CEP112: variants seen among roughly 807,000 people sequenced by gnomAD.
CEP112 encodes the protein centrosomal protein of 112 kDa.
A neutral mutation model predicts 153.0 loss-of-function variants in CEP112; 127 were observed. The ratio of observed to expected loss-of-function variants is 0.83; its 90% CI spans 0.72 to 0.96. The LOEUF (loss-of-function observed/expected upper bound fraction) is 0.96. CEP112 is among the 40% of genes least tolerant of loss of function. CEP112 has a pLI of 0.00. For missense variants in CEP112, 1,089 were observed against 1,101.2 expected (o/e 0.99, Z 0.16); for synonymous variants, 358 against 374.4 (o/e 0.96, Z 0.51).
chr17:66,168,485 G>A (rs1383858779), intron 4 of CEP112, among the ~76,000 whole-genome samples: 3 of 140,944 alleles, frequency 2.1e-5, no homozygotes, highest in Non-Finnish European at 3.2e-5. Flanking sequence ...ATGTATATAT[G>A]TGTGTGTGTA....
At chr17:65,986,319 A>C (rs1293958862) in intron 17 of CEP112, among the ~76,000 whole-genome samples, 1 of 152,182 alleles carries the variant, frequency 6.6e-6, no homozygotes, top group Non-Finnish European at 1.5e-5. Context: ...ACCTGAAAGC[A>C]AATGTAAATT....
At chr17:65,851,437 G>A (rs1473858494) in intron 21 of CEP112, among the ~76,000 whole-genome samples, 1 of 152,126 alleles carries the variant, frequency 6.6e-6, no homozygotes, top group Non-Finnish European at 1.5e-5. Context: ...AGACAACTGA[G>A]GGAAGATCTG....
At position 65,949,776 on chromosome 17, in the gene CEP112, C is replaced by G. The variant is rs557881532; in HGVS notation, c.1872+11687G>C. Among the ~76,000 whole-genome samples the G allele has an allele frequency of 7.2e-5, 11 of 152,260 alleles. No homozygotes were observed. The East Asian group carries it at 1.9e-3, about 27-fold the overall frequency. ...CTGGAACCAATTCCACAAATAGGAT[C>G]TTTCATTCCTGGCTATCCTTATCTG... On this transcript the variant is annotated intron_variant, in intron 18 of 26. Transcript: ENST00000535342.
intron 21 of CEP112, among the ~76,000 whole-genome samples, chr17:65,837,538 T>C (rs1185028870): frequency 1.3e-5 from 2 of 152,080 alleles, no homozygotes; most frequent in African/African-American, 2.4e-5. Context: ...AGCCACCCTG[T>C]CCGAGAAGTG....
intron 9 of CEP112, among the ~76,000 whole-genome samples, chr17:66,069,611 G>A (rs1051949384): frequency 2.6e-5 from 4 of 151,980 alleles, no homozygotes; most frequent in African/African-American, 9.7e-5. Context: ...TTCATGAAAG[G>A]TAATGACAGA....
intron 19 of CEP112, among the ~76,000 whole-genome samples, chr17:65,920,439 T>TTA (rs1294913368): frequency 1.9e-4 from 25 of 132,914 alleles, no homozygotes; most frequent in African/African-American, 2.5e-4. Context: ...TACATATATT[T>TTA]TATATATATA....
chr17:65,946,049 T>C (rs2061639438), intron 18 of CEP112, among the ~76,000 whole-genome samples: 1 of 152,210 alleles, frequency 6.6e-6, no homozygotes, highest in Admixed American at 6.5e-5. Context: ...CAGCCCTTAT[T>C]GATTCACAGT....
intron 18 of CEP112, among the ~76,000 whole-genome samples, chr17:65,956,491 TGGATGTTAC>T (rs2062008889): frequency 6.6e-6 from 1 of 151,958 alleles, no homozygotes; most frequent in Non-Finnish European, 1.5e-5. Context: ...CACATCAACC[TGGATGTTAC>T]TGGAGACCAT....
At chr17:66,028,544 T>A (rs2065322582) in intron 14 of CEP112, 139 bp from the exon 15 acceptor site, 4 of 427,670 alleles carry the variant, frequency 9.4e-6, no homozygotes, top group Admixed American at 8.3e-5. Flanking sequence ...GAATGAAAAA[T>A]GTTTTTAAAA....
At chr17:66,066,682 C>T in intron 10 of CEP112, 96 bp downstream of exon 10, 2 of 802,320 alleles carry the variant, frequency 2.5e-6, no homozygotes, top group Non-Finnish European at 3.6e-6. Context: ...ATTCCTATCT[C>T]ATACTATAAA....
chr17:65,906,914 T>C (rs540222676), intron 19 of CEP112, among the ~76,000 whole-genome samples: 9 of 152,140 alleles, frequency 5.9e-5, no homozygotes, highest in African/African-American at 1.7e-4. Context: ...TATAATAAAA[T>C]TATAAACTTA....
intron 18 of CEP112, among the ~76,000 whole-genome samples, chr17:65,937,563 A>C (rs1481186405): frequency 1.3e-5 from 1 of 75,692 alleles, no homozygotes; most frequent in Non-Finnish European, 2.6e-5. Flanking sequence ...TCCGGGAGGG[A>C]GGTGGGGGGG....
In CEP112 at chr17:66,114,844, CAT is replaced by C. The variant is rs2069210361; in HGVS notation, c.642+14900_642+14901del. Among the ~76,000 whole-genome samples, 3 of 151,996 alleles carry C rather than the reference CAT, an allele frequency of 2.0e-5. No individual in the cohort carries two copies. The South Asian group carries it at 6.2e-4, about 32-fold the overall frequency. On this transcript the variant is annotated intron_variant, in intron 6 of 26. Coordinates refer to ENST00000535342, the MANE Select transcript of CEP112 (RefSeq NM_001199165.4). Reference sequence around the variant, plus strand: ...CTAACTGTATTAGTCATCAGGAAAACATATATTAAAACCACACAATACTATGT... The same window carrying C: ...CTAACTGTATTAGTCATCAGGAAAACATATTAAAACCACACAATACTATGT...
intron 17 of CEP112, among the ~76,000 whole-genome samples, chr17:65,996,839 A>G (rs1156437074): frequency 3.3e-5 from 5 of 152,248 alleles, no homozygotes; most frequent in Admixed American, 6.5e-5. Context: ...TAGAAGATGA[A>G]TCTATGTATT....
At chr17:65,710,583 C>T (rs2049129965) in intron 23 of CEP112, among the ~76,000 whole-genome samples, 1 of 152,178 alleles carries the variant, frequency 6.6e-6, no homozygotes, top group Admixed American at 6.5e-5. Flanking sequence ...GTGCTAACTT[C>T]TCCCAATCCA....
intron 4 of CEP112, among the ~76,000 whole-genome samples, chr17:66,146,874 C>A (rs148297885): frequency 4.6e-5 from 7 of 152,162 alleles, no homozygotes; most frequent in Middle Eastern, 6.8e-3. Context: ...ATTATTCATT[C>A]TAAATGTACC....
chr17:65,815,992 C>A (rs1001088253), intron 21 of CEP112, among the ~76,000 whole-genome samples: 2 of 151,934 alleles, frequency 1.3e-5, no homozygotes, highest in African/African-American at 2.4e-5. Flanking sequence ...TGCCTTGTTG[C>A]ACTTCCTACG....
At chr17:65,650,252 C>T (rs2045674117) in intron 24 of CEP112, among the ~76,000 whole-genome samples, 1 of 152,044 alleles carries the variant, frequency 6.6e-6, no homozygotes. Flanking sequence ...AGGGAGGGTG[C>T]AGATCTAGGC....
chr17:65,689,597 C>T (rs983023041), intron 23 of CEP112, among the ~76,000 whole-genome samples: 11 of 152,030 alleles, frequency 7.2e-5, no homozygotes, highest in South Asian at 2.1e-4. Flanking sequence ...ATCATTGTGA[C>T]GGATAGGAAT....
Sources: allele counts gnomAD v4.1 joint callset (sites outside exome capture counted in the v4.1 genomes callset), GRCh38; gene constraint gnomAD v4.1.1; transcripts MANE v1.5; gene names NCBI Gene and HGNC (gene_info 2026-07-23, HGNC 2026-07-21).